BPIFB4: variants seen among roughly 807,000 people sequenced by gnomAD.
BPIFB4 encodes the protein BPI fold containing family B member 4, also known as BPI fold-containing family B member 4.
A neutral mutation model predicts 69.2 loss-of-function variants in BPIFB4; 62 were observed. The observed-to-expected ratio is 0.90, with a 90% confidence interval of 0.73 to 1.11. The LOEUF is 1.11. BPIFB4 is among the 50% of genes least tolerant of loss of function. The pLI is 0.00. For missense variants in BPIFB4, 789 were observed against 792.0 expected, an observed-to-expected ratio of 1.00 and a Z score of 0.04; for synonymous variants, 330 against 332.7, an observed-to-expected ratio of 0.99 and a Z score of 0.09.
rs1982001920 is a variant in BPIFB4 at position 33,104,833 on chromosome 20, G to A, written c.1704G>A (p.Val568=). 1.2e-6 allele frequency: 2 copies of A among 1,614,070 alleles called. No homozygotes were observed. Among genetic ancestry groups the A allele is most frequent in the Non-Finnish European group, 1.7e-6 (2 of 1,180,038 alleles). Reference sequence around the variant, plus strand: ...AGATTGGCCTCATGGAGGTGCTGGTGGAGAAGATTTTTGACCTGGCATTCA... The same window carrying A: ...AGATTGGCCTCATGGAGGTGCTGGTAGAGAAGATTTTTGACCTGGCATTCA... ...NFDIGLMEVL[V]EKIFDLAFMP... Residue 568 remains valine (V), a synonymous_variant, in exon 16 of 18, where the codon GTG becomes GTA. Transcript: ENST00000375483.
intron 14 of BPIFB4, 78 bp from the exon 15 acceptor site, chr20:33,102,894 C>G (rs1165078393): frequency 1.4e-6 from 2 of 1,441,416 alleles, no homozygotes; most frequent in Non-Finnish European, 2.0e-6. Flanking sequence ...AGGGGCTTCT[C>G]ACAATTTGTT....
In BPIFB4 at chr20:33,095,031, C is replaced by T. The variant is rs1981717756; in HGVS notation, c.1345-69C>T. The T allele has an allele frequency of 1.1e-5, 15 of 1,421,676 alleles. No homozygotes were observed. The South Asian group carries it at 1.7e-4, about 16-fold the overall frequency. The allele number at this position is 1,421,676 out of a possible 1,614,324, so 88.1% of individuals were successfully genotyped here. ...TGTAAAGCATGTAGGAGTTTAATCA[C>T]TGTATTAGCAACTCCTGTCTGTACC... is the stretch of plus-strand genomic sequence containing the variant. On this transcript the variant is annotated intron_variant, in intron 11 of 17. Transcript: ENST00000375483.
intron 6 of BPIFB4, 103 bp downstream of exon 6, chr20:33,085,099 C>G: frequency 6.7e-7 from 1 of 1,500,714 alleles, no homozygotes; most frequent in Non-Finnish European, 8.9e-7. Context: ...CAGTGCATGC[C>G]CACAGACTTG....
chr20:33,095,180 C>T, intron 12 of BPIFB4, 27 bp downstream of exon 12: 1 of 1,567,190 alleles, frequency 6.4e-7, no homozygotes, highest in Non-Finnish European at 8.8e-7. Context: ...GGTCCCATTG[C>T]CTTCAGCCTC....
intron 8 of BPIFB4, among the ~76,000 whole-genome samples, 196 bp downstream of exon 8, chr20:33,089,225 GA>G (rs1981524923): frequency 6.6e-6 from 1 of 152,216 alleles, no homozygotes; most frequent in Non-Finnish European, 1.5e-5. Context: ...GGGCTAAGGA[GA>G]GGGACCTTGA....
At chr20:33,083,916 C>T in intron 5 of BPIFB4, 42 bp downstream of exon 5, 1 of 1,547,902 alleles carries the variant, frequency 6.5e-7, no homozygotes, top group Non-Finnish European at 8.7e-7. Context: ...CCCCATACAC[C>T]TCCAAATGGG....
At chr20:33,101,614 C>T (rs965894126) in intron 14 of BPIFB4, among the ~76,000 whole-genome samples, 3 of 152,172 alleles carry the variant, frequency 2.0e-5, no homozygotes, top group African/African-American at 4.8e-5. Flanking sequence ...AGTACAGTCA[C>T]GGCTCACTGC....
chr20:33,107,748 G>T lies in BPIFB4; in HGVS notation c.1749G>T (p.Val583=). The stretch of plus-strand genomic sequence containing the variant: ...TGACTGTTTTTTATTTTACAGCTGT[G>T]CTGGGTTCTGGCGTCCCTCTCCCCA... The part of the protein sequence containing the change: ...DLAFMPAMNA[V]LGSGVPLPKI... Residue 583 remains valine (V), a synonymous_variant, in exon 17 of 18, where the codon GTG becomes GTT. Transcript: ENST00000375483. 6.2e-7 allele frequency: 1 copy of T among 1,613,718 alleles called. No homozygotes were observed. The highest frequency in any genetic ancestry group is 2.2e-5 in the East Asian group (1 of 44,886).
chr20:33,097,681 C>A lies in BPIFB4; in HGVS notation c.1463C>A (p.Ser488Tyr), dbSNP rs1373145863. ...IIRIQVLNPP[S>Y]VMLQKDKALV... ...AGGATCCAGGTGCTGAACCCACCAT[C>A]TGTGATGCTGCAGAAGGACAAAGCG... Residue 488 changes from serine (S) to tyrosine (Y), a missense_variant, in exon 13 of 18, where the codon TCT (serine) becomes TAT (tyrosine). By Grantham distance (144) the Ser-to-Tyr change is moderately radical. This residue lies in a region of BPIFB4 where 170 missense variants were observed against 193.6 expected (regional missense o/e 0.88). Transcript: ENST00000375483. 6.2e-7 allele frequency: 1 copy of A among 1,614,140 alleles called. No homozygotes were observed. Among genetic ancestry groups the A allele is most frequent in the African/African-American group, 1.3e-5 (1 of 75,068 alleles).
At chr20:33,107,598 T>C in intron 16 of BPIFB4, 146 bp from the exon 17 acceptor site, 3 of 594,596 alleles carry the variant, frequency 5.0e-6, no homozygotes, top group Non-Finnish European at 9.2e-6. Context: ...ATTGTGCCAC[T>C]GCACTCCAGC....
chr20:33,104,639 T>C, intron 15 of BPIFB4, 171 bp from the exon 16 acceptor site: 1 of 603,892 alleles, frequency 1.7e-6, no homozygotes, highest in Non-Finnish European at 2.9e-6. Flanking sequence ...GGGGGGCACC[T>C]TAAGGCTGCC....
chr20:33,111,325 TG>T, intron 17 of BPIFB4, 88 bp from the exon 18 acceptor site: 1 of 1,552,664 alleles, frequency 6.4e-7, no homozygotes, highest in Non-Finnish European at 8.9e-7. Flanking sequence ...CCTAGAAACA[TG>T]ACCGGCCAGA....
chr20:33,104,588 C>A (rs566553175), intron 15 of BPIFB4: 15 of 509,532 alleles, frequency 2.9e-5, no homozygotes, highest in Admixed American at 1.8e-4. Flanking sequence ...ACCACCCATG[C>A]TGGGCCTCAG....
chr20:33,080,439 A>G (rs1981195999), intron 1 of BPIFB4, 30 bp from the exon 2 acceptor site: 1 of 152,240 alleles, frequency 6.6e-6, no homozygotes, highest in African/African-American at 2.4e-5. Flanking sequence ...CACCTCCCCA[A>G]TCTCATAACA....
rs781740566 is a variant in BPIFB4, at chr20:33,084,885, C to T, written c.678-7C>T. 31 of 1,604,866 alleles carry T rather than the reference C, an allele frequency of 1.9e-5. No individual in the cohort carries two copies. The highest frequency in any genetic ancestry group is 7.7e-5 in the South Asian group (7 of 90,920). Reference sequence around the variant, plus strand: ...CCGGCCTTCTCACCACTCTGTGTCCCGAGCAGGCTGCGTATCGTGGAGCTG... The same window carrying T: ...CCGGCCTTCTCACCACTCTGTGTCCTGAGCAGGCTGCGTATCGTGGAGCTG... On this transcript the variant is annotated splice_polypyrimidine_tract_variant and splice_region_variant and intron_variant, in intron 5 of 17. Transcript: ENST00000375483.
intron 11 of BPIFB4, among the ~76,000 whole-genome samples, chr20:33,093,958 C>T (rs1317122266): frequency 6.6e-6 from 1 of 152,234 alleles, no homozygotes; most frequent in Non-Finnish European, 1.5e-5. Context: ...GTCTGTCTCC[C>T]TGTCTGTCTA....
chr20:33,084,862 G>T, intron 5 of BPIFB4, 30 bp from the exon 6 acceptor site: 1 of 1,598,474 alleles, frequency 6.3e-7, no homozygotes. Flanking sequence ...TGGGGTGGCC[G>T]GCCTTCTCAC....
intron 10 of BPIFB4, among the ~76,000 whole-genome samples, 185 bp from the exon 11 acceptor site, chr20:33,092,273 C>T (rs1001147689): frequency 6.6e-6 from 1 of 152,282 alleles, no homozygotes; most frequent in South Asian, 2.1e-4. Flanking sequence ...GCAGGAACTG[C>T]GAAAGGTTCC....
intron 7 of BPIFB4, 108 bp from the exon 8 acceptor site, chr20:33,088,858 A>C: frequency 1.3e-6 from 2 of 1,563,838 alleles, no homozygotes; most frequent in Admixed American, 1.8e-5. Context: ...TCCAGCACTC[A>C]GAGGTTCTCA....
Sources: allele counts gnomAD v4.1 joint callset (sites outside exome capture counted in the v4.1 genomes callset), GRCh38; gene constraint gnomAD v4.1.1; regional missense constraint gnomAD v4.1.1; transcripts MANE v1.5; gene names NCBI Gene and HGNC (gene_info 2026-07-23, HGNC 2026-07-21).